Variants in SCFD2 observed in about 807,000 individuals in gnomAD.
SCFD2 encodes the protein sec1 family domain containing 2.
In SCFD2, 54 loss-of-function variants were observed where a neutral mutation model predicts 58.9. The observed-to-expected ratio is 0.92, with a 90% CI of 0.74 to 1.15. The LOEUF is 1.15. SCFD2 is among the 50% of genes most tolerant of loss of function. The pLI, the probability that SCFD2 is intolerant of heterozygous loss-of-function variation, is 0.00. For synonymous variants in SCFD2, 321 were observed against 335.9 expected, an observed-to-expected ratio of 0.96 and a Z score of 0.49; for missense variants, 805 against 836.6, an observed-to-expected ratio of 0.96 and a Z score of 0.47.
At chr4:52,893,229 C>T (rs1229171631) in intron 7 of SCFD2, among the ~76,000 whole-genome samples, 1 of 151,570 alleles carries the variant, frequency 6.6e-6, no homozygotes, top group Admixed American at 6.6e-5. Context: ...TTTTCTTTCC[C>T]TTCTTTCTCT....
chr4:52,913,347 C>T (rs1018955654), intron 6 of SCFD2, among the ~76,000 whole-genome samples: 3 of 152,168 alleles, frequency 2.0e-5, no homozygotes, highest in African/African-American at 7.2e-5. Context: ...CTGAGTTCCG[C>T]CTCCTGTCAG....
chr4:53,132,240 T>A (rs1725805115), intron 5 of SCFD2, among the ~76,000 whole-genome samples: 1 of 152,262 alleles, frequency 6.6e-6, no homozygotes, highest in South Asian at 2.1e-4. Flanking sequence ...ATACAGTGTT[T>A]AGTAATATGT....
At chr4:53,210,660 A>G (rs1424779113) in intron 4 of SCFD2, among the ~76,000 whole-genome samples, 1 of 152,134 alleles carries the variant, frequency 6.6e-6, no homozygotes, top group African/African-American at 2.4e-5. Flanking sequence ...TTTATTAATA[A>G]CGTGCATTAT....
intron 5 of SCFD2, chr4:52,958,091 G>T (rs191438508): frequency 1.3e-5 from 2 of 152,028 alleles, no homozygotes; most frequent in East Asian, 3.9e-4. Flanking sequence ...CAGACACAAA[G>T]GAAAAAACGT....
intron 4 of SCFD2, among the ~76,000 whole-genome samples, chr4:53,254,073 C>A (rs1400292612): frequency 6.6e-6 from 1 of 152,028 alleles, no homozygotes; most frequent in East Asian, 1.9e-4. Context: ...AGGGGAACAA[C>A]ACACACTGGG....
intron 4 of SCFD2, among the ~76,000 whole-genome samples, chr4:53,261,440 G>A (rs1730825593): frequency 6.6e-6 from 1 of 151,628 alleles, no homozygotes; most frequent in Admixed American, 6.6e-5. Context: ...CACTATTATT[G>A]TTCAGACTTT....
chr4:52,935,382 C>T (rs77035623), intron 5 of SCFD2, among the ~76,000 whole-genome samples: 2,086 of 152,268 alleles, frequency 0.014, 44 homozygotes, highest in African/African-American at 0.045. Flanking sequence ...AGCAATTCCA[C>T]CTTGAAAGCT....
At chr4:52,945,678 C>G (rs373263448) in intron 5 of SCFD2, 8 of 152,200 alleles carry the variant, frequency 5.3e-5, no homozygotes, top group Admixed American at 5.2e-4. Flanking sequence ...CAGACAGTTA[C>G]AGCTCCCACT....
chr4:52,974,433 G>T (rs1485423647), intron 5 of SCFD2, among the ~76,000 whole-genome samples: 1 of 152,088 alleles, frequency 6.6e-6, no homozygotes, highest in African/African-American at 2.4e-5. Flanking sequence ...GCTTCAAAGA[G>T]AATAAAATAC....
chr4:52,912,955 T>C (rs1560478931), intron 6 of SCFD2, among the ~76,000 whole-genome samples: 1 of 152,232 alleles, frequency 6.6e-6, no homozygotes, highest in African/African-American at 2.4e-5. Flanking sequence ...ATTAGCCATA[T>C]AGTTTGTCTC....
At chr4:53,303,657 G>A (rs1159729562) in intron 3 of SCFD2, among the ~76,000 whole-genome samples, 4 of 152,048 alleles carry the variant, frequency 2.6e-5, no homozygotes, top group Admixed American at 1.3e-4. Flanking sequence ...GCACATGTAT[G>A]TTTATTGTGG....
At chr4:53,265,596 T>C (rs1408285300) in intron 4 of SCFD2, 1 of 152,174 alleles carries the variant, frequency 6.6e-6, no homozygotes, top group South Asian at 2.1e-4. Flanking sequence ...GGTCATTTAT[T>C]TGCTGTGTAA....
At chr4:53,051,555 C>G (rs943490979) in intron 5 of SCFD2, among the ~76,000 whole-genome samples, 1 of 152,260 alleles carries the variant, frequency 6.6e-6, no homozygotes, top group Admixed American at 6.5e-5. Flanking sequence ...CTATGCTTGG[C>G]TTGAGTGAGA....
intron 7 of SCFD2, among the ~76,000 whole-genome samples, chr4:52,888,512 C>T (rs927035323): frequency 1.3e-5 from 2 of 152,160 alleles, no homozygotes; most frequent in African/African-American, 4.8e-5. Context: ...TCCTACTGTA[C>T]CCTGGAATTG....
chr4:53,012,733 C>G (rs1722123609), intron 5 of SCFD2, among the ~76,000 whole-genome samples: 1 of 151,934 alleles, frequency 6.6e-6, no homozygotes, highest in Non-Finnish European at 1.5e-5. Context: ...AAAAAGGCAT[C>G]TGCATTTATG....
intron 5 of SCFD2, among the ~76,000 whole-genome samples, chr4:53,118,836 A>T (rs1725394620): frequency 6.6e-6 from 1 of 152,168 alleles, no homozygotes; most frequent in African/African-American, 2.4e-5. Context: ...TCTACAAGGC[A>T]TCTACGTAAA....
intron 5 of SCFD2, among the ~76,000 whole-genome samples, chr4:53,007,305 G>GAGAGA (rs1721990724): frequency 8.6e-4 from 57 of 66,084 alleles, no homozygotes; most frequent in African/African-American, 3.4e-3. Context: ...AGAGGGAGAG[G>GAGAGA]GAGAGAGAGA....
At chr4:53,169,633 C>T (rs1003386775) in intron 4 of SCFD2, among the ~76,000 whole-genome samples, 12 of 152,064 alleles carry the variant, frequency 7.9e-5, no homozygotes, top group East Asian at 3.9e-4. Flanking sequence ...TTTTCTATAA[C>T]GGCTGTATGA....
chr4:53,176,780 C>T (rs904227441), intron 4 of SCFD2, among the ~76,000 whole-genome samples: 1 of 152,058 alleles, frequency 6.6e-6, no homozygotes, highest in Non-Finnish European at 1.5e-5. Context: ...GAAATCCCAT[C>T]TCTACTAAAA....
Sources: gnomAD v4.1 joint callset for allele counts (sites outside exome capture counted in the v4.1 genomes callset) on GRCh38, gnomAD v4.1.1 for gene constraint, MANE v1.5 for transcripts, NCBI Gene and HGNC (gene_info 2026-07-23, HGNC 2026-07-21) for gene names.